Variants in NOS1AP observed in about 807,000 individuals in gnomAD.
The protein encoded by NOS1AP is nitric oxide synthase 1 adaptor protein.
A neutral mutation model predicts 56.2 loss-of-function variants in NOS1AP; 21 were observed. The ratio of observed to expected loss-of-function variants is 0.37; its 90% confidence interval spans 0.26 to 0.54. The LOEUF is 0.54. Ranked by LOEUF, NOS1AP falls within the 20% of genes least tolerant of loss-of-function variation. The pLI, the probability that NOS1AP is intolerant of heterozygous loss-of-function variation, is 0.84. For synonymous variants in NOS1AP, 270 were observed against 274.6 expected (o/e 0.98, Z 0.17); for missense variants, 522 against 657.8 (o/e 0.79, Z 2.26).
At chr1:162,231,181 A>G (rs1167705403) in intron 2 of NOS1AP, among the ~76,000 whole-genome samples, 1 of 152,178 alleles carries the variant, frequency 6.6e-6, no homozygotes, top group African/African-American at 2.4e-5. Context: ...GAGCATCCTA[A>G]TGGATGTAAA....
rs141234578 is a variant in NOS1AP, at chr1:162,095,938, A to G, written c.105+25656A>G. On this transcript the variant is annotated intron_variant, in intron 1 of 9. Coordinates refer to ENST00000361897, the MANE Select transcript of NOS1AP (RefSeq NM_014697.3). ...ACTGGATAGTCTTCAAATCCAATGT[A>G]GACAGTTTCTCTGAGCTTGCTTTTG... Among the ~76,000 whole-genome samples, 9 of 152,344 alleles carry G rather than the reference A, an allele frequency of 5.9e-5. No individual in the cohort carries two copies. The East Asian group carries it at 1.7e-3, about 29-fold the overall frequency.
intron 1 of NOS1AP, among the ~76,000 whole-genome samples, chr1:162,072,058 T>TCAGA (rs1466603974): frequency 1.9e-5 from 2 of 105,652 alleles, no homozygotes; most frequent in African/African-American, 7.5e-5. Flanking sequence ...AGACCCTGTC[T>TCAGA]CAGATAGATA....
intron 2 of NOS1AP, among the ~76,000 whole-genome samples, chr1:162,226,124 T>C (rs1342897379): frequency 1.3e-5 from 2 of 151,578 alleles, no homozygotes; most frequent in African/African-American, 4.9e-5. Flanking sequence ...AGAAACCCTG[T>C]CTCTACTAAA....
chr1:162,360,952 A>C (rs1342458842), intron 8 of NOS1AP: 1 of 456,604 alleles, frequency 2.2e-6, no homozygotes, highest in Non-Finnish European at 4.4e-6. Context: ...TGAGGGCGCC[A>C]ATGGTCTGGT....
At chr1:162,081,741 T>G (rs1247210504) in intron 1 of NOS1AP, among the ~76,000 whole-genome samples, 12 of 95,988 alleles carry the variant, frequency 1.3e-4, no homozygotes, top group African/African-American at 4.3e-4. Context: ...TATATATCTA[T>G]ATCTATATCT....
intron 1 of NOS1AP, among the ~76,000 whole-genome samples, chr1:162,109,569 C>A (rs1647638579): frequency 6.6e-6 from 1 of 152,046 alleles, no homozygotes; most frequent in Non-Finnish European, 1.5e-5. Context: ...TGCGTTTATT[C>A]ATTGTACTAT....
intron 5 of NOS1AP, among the ~76,000 whole-genome samples, chr1:162,341,160 C>T (rs1657095446): frequency 1.3e-5 from 2 of 152,120 alleles, no homozygotes; most frequent in African/African-American, 2.4e-5. Flanking sequence ...AGATCAGGGA[C>T]ATTTGTTTGA....
At chr1:162,088,941 G>A (rs1337064) in intron 1 of NOS1AP, among the ~76,000 whole-genome samples, 17,394 of 151,982 alleles carry the variant, frequency 0.11, 2,207 homozygotes, top group African/African-American at 0.31. Context: ...TTGGTATCAG[G>A]GATTTTCTCT....
intron 1 of NOS1AP, among the ~76,000 whole-genome samples, chr1:162,122,573 T>C (rs1041581120): frequency 4.0e-5 from 6 of 151,650 alleles, no homozygotes; most frequent in African/African-American, 1.5e-4. Context: ...AGTGGCATGA[T>C]CTCGGCTCAC....
intron 1 of NOS1AP, among the ~76,000 whole-genome samples, chr1:162,097,775 C>T (rs1196001969): frequency 6.6e-6 from 1 of 152,150 alleles, no homozygotes; most frequent in African/African-American, 2.4e-5. Flanking sequence ...TTTAGTCTTG[C>T]GATCTAGCGG....
chr1:162,103,451 C>T (rs1647383943), intron 1 of NOS1AP, among the ~76,000 whole-genome samples: 1 of 152,092 alleles, frequency 6.6e-6, no homozygotes, highest in African/African-American at 2.4e-5. Flanking sequence ...ATCACGTCCA[C>T]TTGATTCAGA....
chr1:162,235,525 G>C (rs920837040), intron 2 of NOS1AP, among the ~76,000 whole-genome samples: 1 of 152,218 alleles, frequency 6.6e-6, no homozygotes, highest in Non-Finnish European at 1.5e-5. Context: ...CTTGTCAAAG[G>C]CTCTTGCTGG....
chr1:162,233,160 C>T (rs1227136728), intron 2 of NOS1AP, among the ~76,000 whole-genome samples: 1 of 152,220 alleles, frequency 6.6e-6, no homozygotes, highest in Non-Finnish European at 1.5e-5. Flanking sequence ...ACTGGCATTT[C>T]TAAGTTCCCA....
rs55633771 is a variant in NOS1AP, at chr1:162,238,128, G to A, written c.178-49216G>A. ...AGCATCATTTACAGTATGGTGCAGT[G>A]CTTTAACCTGATAGCCCTGCCTAAT... On this transcript the variant is annotated intron_variant, in intron 2 of 9. Coordinates refer to ENST00000361897, the MANE Select transcript of NOS1AP (RefSeq NM_014697.3). Among the ~76,000 whole-genome samples, 1,114 of 152,154 alleles carry A rather than the reference G, an allele frequency of 7.3e-3. 8 individuals are homozygous for A. The highest frequency in any genetic ancestry group is 0.026 in the African/African-American group (1,066 of 41,510).
chr1:162,173,017 G>C (rs1650875724), intron 2 of NOS1AP, among the ~76,000 whole-genome samples: 2 of 151,920 alleles, frequency 1.3e-5, no homozygotes, highest in African/African-American at 4.8e-5. Flanking sequence ...TGCTTCCCAG[G>C]CTCAAGTGAT....
intron 2 of NOS1AP, among the ~76,000 whole-genome samples, chr1:162,281,557 G>A (rs1654928861): frequency 6.6e-6 from 1 of 152,190 alleles, no homozygotes; most frequent in African/African-American, 2.4e-5. Context: ...TGGCTTCACT[G>A]TGTAGAAGTG....
chr1:162,225,506 C>T (rs758945190), intron 2 of NOS1AP, among the ~76,000 whole-genome samples: 2 of 152,136 alleles, frequency 1.3e-5, no homozygotes, highest in African/African-American at 2.4e-5. Context: ...GTGTAAAGGA[C>T]GATAAAGTGA....
At chr1:162,124,188 T>C (rs1648376115) in intron 1 of NOS1AP, among the ~76,000 whole-genome samples, 1 of 152,116 alleles carries the variant, frequency 6.6e-6, no homozygotes, top group African/African-American at 2.4e-5. Flanking sequence ...GGATGCATTG[T>C]ATAGCGGTGA....
At chr1:162,311,629 T>C (rs1050453444) in intron 4 of NOS1AP, among the ~76,000 whole-genome samples, 1 of 151,384 alleles carries the variant, frequency 6.6e-6, no homozygotes, top group Non-Finnish European at 1.5e-5. Context: ...ATGTGCACAT[T>C]GTGCAGGTTA....
Sources: allele counts gnomAD v4.1 joint callset (sites outside exome capture counted in the v4.1 genomes callset), GRCh38; gene constraint gnomAD v4.1.1; transcripts MANE v1.5; gene names NCBI Gene and HGNC (gene_info 2026-07-23, HGNC 2026-07-21).